The following CCDC201 variants were observed in gnomAD, a reference collection of about 807,000 sequenced individuals.
The protein encoded by CCDC201 is coiled-coil domain containing 201, also known as coiled-coil domain-containing protein 201.
At chr7:45,882,793 G>A in the CCDC201 span, among the ~76,000 whole-genome samples, 2 of 152,158 alleles carry the variant, frequency 1.3e-5, no homozygotes, top group Non-Finnish European at 1.5e-5. Flanking sequence ...CCTGGTCCCC[G>A]GTTTAATACC....
intron 1 of CCDC201, among the ~76,000 whole-genome samples, chr7:45,872,548 G>A (rs1036569225): frequency 6.6e-6 from 1 of 152,182 alleles, no homozygotes; most frequent in Non-Finnish European, 1.5e-5. Context: ...ACAGGCCAGG[G>A]GAGGAGATGG....
chr7:45,868,621 G>A (rs1229829819), intron 1 of CCDC201, among the ~76,000 whole-genome samples: 2 of 152,090 alleles, frequency 1.3e-5, no homozygotes, highest in Admixed American at 6.5e-5. Context: ...GAGCACAGAT[G>A]GCTGGACAAA....
upstream of CCDC201, among the ~76,000 whole-genome samples, chr7:45,877,828 C>A (rs1488454449): frequency 6.6e-6 from 1 of 152,184 alleles, no homozygotes; most frequent in Non-Finnish European, 1.5e-5. Context: ...AAAATACAAT[C>A]ATTTCTTCTC....
At chr7:45,881,759 C>T in the CCDC201 span, among the ~76,000 whole-genome samples, 8 of 152,314 alleles carry the variant, frequency 5.3e-5, no homozygotes, top group East Asian at 5.8e-4. Flanking sequence ...TCGCTTCCAT[C>T]GCCAACACTG....
the CCDC201 span, among the ~76,000 whole-genome samples, chr7:45,879,318 C>T: frequency 1.3e-5 from 2 of 152,336 alleles, no homozygotes; most frequent in Non-Finnish European, 2.9e-5. Flanking sequence ...TCCAAAGTAG[C>T]TTCCACATTT....
chr7:45,883,773 G>A, the CCDC201 span, among the ~76,000 whole-genome samples: 2 of 151,966 alleles, frequency 1.3e-5, no homozygotes, highest in African/African-American at 4.8e-5. Context: ...TTAATCACAA[G>A]CTGCAGTGCA....
chr7:45,880,980 C>T, the CCDC201 span, among the ~76,000 whole-genome samples: 39 of 152,094 alleles, frequency 2.6e-4, no homozygotes, highest in Non-Finnish European at 5.4e-4. Context: ...CATGAGTTCA[C>T]GGGGCCAAAC....
the CCDC201 span, among the ~76,000 whole-genome samples, chr7:45,880,686 C>T: frequency 3.9e-5 from 6 of 152,262 alleles, no homozygotes; most frequent in Admixed American, 6.5e-5. Context: ...CTGGCCATGT[C>T]GCAAAGTCCT....
the CCDC201 span, among the ~76,000 whole-genome samples, chr7:45,878,133 G>C: frequency 6.6e-6 from 1 of 152,218 alleles, no homozygotes; most frequent in Non-Finnish European, 1.5e-5. Flanking sequence ...TGCAAGGGGT[G>C]TTCTCCCAAG....
chr7:45,863,916 C>T (rs113225839), intron 2 of CCDC201, among the ~76,000 whole-genome samples: 4 of 152,304 alleles, frequency 2.6e-5, no homozygotes, highest in African/African-American at 9.6e-5. Context: ...GCAGGAGCCA[C>T]CGGGAGGCGT....
chr7:45,882,207 A>C, the CCDC201 span, among the ~76,000 whole-genome samples: 1 of 152,216 alleles, frequency 6.6e-6, no homozygotes, highest in African/African-American at 2.4e-5. Flanking sequence ...GTGAGTAAGC[A>C]GCACACTGCA....
chr7:45,881,464 G>A, the CCDC201 span, among the ~76,000 whole-genome samples: 1 of 152,210 alleles, frequency 6.6e-6, no homozygotes, highest in Non-Finnish European at 1.5e-5. Flanking sequence ...GTAACAGAGT[G>A]TGGGATGCGC....
At chr7:45,879,696 A>C in the CCDC201 span, among the ~76,000 whole-genome samples, 3 of 152,232 alleles carry the variant, frequency 2.0e-5, no homozygotes, top group African/African-American at 7.2e-5. Context: ...ATTTGACATG[A>C]GATTTGGGTG....
chr7:45,861,325 A>C (rs567671362), exon 3 of CCDC201: 1 of 152,174 alleles, frequency 6.6e-6, no homozygotes, highest in African/African-American at 2.4e-5. Context: ...TAAATCTGAT[A>C]ATTTTGTAAC....
At chr7:45,874,750 T>C (rs1196348004), upstream of CCDC201, among the ~76,000 whole-genome samples, 1 of 152,234 alleles carries the variant, frequency 6.6e-6, no homozygotes, top group Non-Finnish European at 1.5e-5. Context: ...GCCGGGTGAC[T>C]GGCTCCAGGT....
At chr7:45,870,498 G>A (rs1305212914) in intron 1 of CCDC201, among the ~76,000 whole-genome samples, 1 of 152,120 alleles carries the variant, frequency 6.6e-6, no homozygotes, top group African/African-American at 2.4e-5. Context: ...CAAAGATAAT[G>A]CCACAGAAAT....
chr7:45,882,163 T>C, the CCDC201 span, among the ~76,000 whole-genome samples: 2 of 152,318 alleles, frequency 1.3e-5, no homozygotes, highest in Admixed American at 6.5e-5. Context: ...TGTATTGTTT[T>C]TCAGAGCATG....
chr7:45,862,617 T>G (rs1786617766), exon 3 of CCDC201: 1 of 152,302 alleles, frequency 6.6e-6, no homozygotes, highest in Admixed American at 6.5e-5. Flanking sequence ...GCTTCAGGCC[T>G]TCAATCCTGC....
the CCDC201 span, among the ~76,000 whole-genome samples, chr7:45,884,005 T>TTCTTTTTCTTTCTC: frequency 1.5e-5 from 2 of 132,814 alleles, no homozygotes; most frequent in African/African-American, 5.3e-5. Flanking sequence ...TTTTCTTTCT[T>TTCTTTTTCTTTCTC]TCTTTTTCTT....
Sources: gnomAD v4.1 joint callset for allele counts (sites outside exome capture counted in the v4.1 genomes callset) on GRCh38, gnomAD v4.1.1 for gene constraint, MANE v1.5 for transcripts, NCBI Gene and HGNC (gene_info 2026-07-23, HGNC 2026-07-21) for gene names.